Variants in RSPO4 observed in about 807,000 individuals in gnomAD.
RSPO4 encodes R-spondin 4, also known as R-spondin-4.
In RSPO4, 23 loss-of-function variants were observed where a neutral mutation model predicts 24.8. The ratio of observed to expected loss-of-function variants is 0.93; its 90% CI spans 0.67 to 1.31. The LOEUF is 1.31. RSPO4 is among the 40% of genes most tolerant of loss of function. The pLI is 0.00. For synonymous variants in RSPO4, 141 were observed against 127.4 expected, an observed-to-expected ratio of 1.11 and a Z score of -0.72; for missense variants, 333 against 316.5, an observed-to-expected ratio of 1.05 and a Z score of -0.39.
At chr20:991,474 C>T (rs1370792621) in intron 1 of RSPO4, among the ~76,000 whole-genome samples, 1 of 151,782 alleles carries the variant, frequency 6.6e-6, no homozygotes, top group African/African-American at 2.4e-5. Context: ...CTAGGTAATA[C>T]AAGGAAGCCC....
At chr20:997,066 C>T (rs79039689) in intron 1 of RSPO4, among the ~76,000 whole-genome samples, 4,059 of 152,306 alleles carry the variant, frequency 0.027, 221 homozygotes, top group East Asian at 0.22. Flanking sequence ...CAGCTGTGAG[C>T]TCTTTGGCAG....
At chr20:982,422 C>T (rs1316240130) in intron 1 of RSPO4, among the ~76,000 whole-genome samples, 1 of 152,210 alleles carries the variant, frequency 6.6e-6, no homozygotes, top group East Asian at 1.9e-4. Flanking sequence ...AGTTGCCACT[C>T]ATTTGAAAAA....
chr20:963,798 T>C, intron 4 of RSPO4, 137 bp downstream of exon 4: 3 of 866,336 alleles, frequency 3.5e-6, no homozygotes, highest in South Asian at 2.8e-5. Context: ...AGGTGATGTG[T>C]ACTCCACATG....
chr20:959,984 C>A lies in RSPO4; in HGVS notation c.*373G>T. On this transcript the variant is annotated 3_prime_UTR_variant, in exon 5 of 5. Transcript: ENST00000217260. ...AGATAGAGAAAGCTGCAGGGGAGGGCACAGGCTCATGGTCCCTCTTAAAGT... is the reference window on the plus strand; with the variant it reads ...AGATAGAGAAAGCTGCAGGGGAGGGAACAGGCTCATGGTCCCTCTTAAAGT... 3.9e-6 allele frequency: 1 copy of A among 256,514 alleles called. No homozygotes were observed. Among genetic ancestry groups the A allele is most frequent in the Non-Finnish European group, 7.5e-6 (1 of 133,008 alleles). The allele number at this position is 256,514 out of a possible 1,614,324, so 15.9% of individuals were successfully genotyped here.
intron 4 of RSPO4, among the ~76,000 whole-genome samples, chr20:961,602 T>C (rs1470380479): frequency 6.6e-6 from 1 of 152,152 alleles, no homozygotes; most frequent in Non-Finnish European, 1.5e-5. Context: ...ACTCCCACTC[T>C]GAGCTGCAGA....
At chr20:998,985 C>CTT (rs537819758) in intron 1 of RSPO4, among the ~76,000 whole-genome samples, 33 of 131,824 alleles carry the variant, frequency 2.5e-4, no homozygotes, top group African/African-American at 4.4e-4. Context: ...CTCTCGCTCT[C>CTT]TTTTTTTTTT....
At chr20:985,277 C>T (rs1984883189) in intron 1 of RSPO4, among the ~76,000 whole-genome samples, 1 of 150,490 alleles carries the variant, frequency 6.6e-6, no homozygotes, top group South Asian at 2.1e-4. Context: ...ATCCACCCAC[C>T]CACTCATCTA....
chr20:984,639 A>C (rs900259784), intron 1 of RSPO4, among the ~76,000 whole-genome samples: 3 of 152,164 alleles, frequency 2.0e-5, no homozygotes, highest in Admixed American at 6.5e-5. Flanking sequence ...GAGCATCTTC[A>C]AGGACCCTAT....
intron 1 of RSPO4, among the ~76,000 whole-genome samples, chr20:988,261 T>A (rs1600099131): frequency 6.6e-6 from 1 of 152,106 alleles, no homozygotes; most frequent in African/African-American, 2.4e-5. Context: ...GGAAGTGAGT[T>A]GGGAAGCCAC....
chr20:973,279 C>G (rs1052737544), intron 1 of RSPO4, among the ~76,000 whole-genome samples: 1 of 152,184 alleles, frequency 6.6e-6, no homozygotes. Flanking sequence ...AAGATGGAGA[C>G]AAAGCAAAGC....
chr20:989,402 G>A (rs528575051), intron 1 of RSPO4, among the ~76,000 whole-genome samples: 11 of 152,278 alleles, frequency 7.2e-5, no homozygotes, highest in African/African-American at 1.9e-4. Flanking sequence ...AATAACCTGC[G>A]GAGCACCTGG....
chr20:966,480 C>T lies in RSPO4; in HGVS notation c.409+694G>A, dbSNP rs534980637. 5.3e-5 allele frequency among the ~76,000 whole-genome samples: 8 copies of T among 151,844 alleles called. No individual in the cohort carries two copies. The South Asian group carries it at 6.3e-4, about 12-fold the overall frequency. On this transcript the variant is annotated intron_variant, in intron 3 of 4. Transcript: ENST00000217260. ...TTTTTTTTCTAACGTTTGGAGAAAC[C>T]GAAGGACAGAGAGCTGAGGTGGTTT...
At chr20:961,792 C>T (rs1984007659) in intron 4 of RSPO4, among the ~76,000 whole-genome samples, 1 of 152,046 alleles carries the variant, frequency 6.6e-6, no homozygotes, top group Admixed American at 6.6e-5. Context: ...CATCCCTCCA[C>T]CTATTTACCC....
intron 1 of RSPO4, among the ~76,000 whole-genome samples, chr20:996,411 T>C (rs927734490): frequency 2.0e-5 from 3 of 152,172 alleles, no homozygotes; most frequent in African/African-American, 4.8e-5. Flanking sequence ...TGTGACACCT[T>C]AGCCAAGCAA....
chr20:984,447 G>A (rs76816918), intron 1 of RSPO4, among the ~76,000 whole-genome samples: 5,719 of 152,282 alleles, frequency 0.038, 417 homozygotes, highest in African/African-American at 0.13. Flanking sequence ...AGTCAGCGCT[G>A]ACTGAGGCAG....
At chr20:975,762 A>G (rs1984543874) in intron 1 of RSPO4, among the ~76,000 whole-genome samples, 2 of 152,174 alleles carry the variant, frequency 1.3e-5, no homozygotes, top group South Asian at 2.1e-4. Context: ...CTAGGACTCA[A>G]TGGTTATGAG....
intron 1 of RSPO4, among the ~76,000 whole-genome samples, chr20:978,147 C>T (rs1374514129): frequency 2.0e-5 from 3 of 152,166 alleles, no homozygotes; most frequent in Admixed American, 2.0e-4. Flanking sequence ...GTGGGGGGAC[C>T]AGCAGGGCAG....
chr20:976,148 G>A (rs950907082), intron 1 of RSPO4, among the ~76,000 whole-genome samples: 1 of 152,076 alleles, frequency 6.6e-6, no homozygotes, highest in South Asian at 2.1e-4. Context: ...TTGTTATGAG[G>A]GATGTGCAAA....
intron 1 of RSPO4, among the ~76,000 whole-genome samples, chr20:975,551 G>A (rs1002137124): frequency 1.3e-5 from 2 of 152,136 alleles, no homozygotes; most frequent in African/African-American, 4.8e-5. Flanking sequence ...AGCACCCGAG[G>A]GATGAGTCCA....
Sources: allele counts gnomAD v4.1 joint callset (sites outside exome capture counted in the v4.1 genomes callset), GRCh38; gene constraint gnomAD v4.1.1; transcripts MANE v1.5; gene names NCBI Gene and HGNC (gene_info 2026-07-23, HGNC 2026-07-21).